The following KPNA1 variants were observed in gnomAD, a reference collection of about 807,000 sequenced individuals.
KPNA1 encodes karyopherin subunit alpha 1, also known as importin subunit alpha-5.
Under a neutral mutation model 70.5 loss-of-function variants are expected in KPNA1, and 10 were observed. That is an observed-to-expected ratio of 0.14 (90% CI 0.09 to 0.24). KPNA1 has a LOEUF of 0.24. KPNA1 is among the 10% of genes least tolerant of loss of function. KPNA1 has a pLI of 1.00. For missense variants in KPNA1, 397 were observed against 637.9 expected (o/e 0.62, Z 4.07); for synonymous variants, 192 against 221.9 (o/e 0.87, Z 1.20).
intron 13 of KPNA1, 103 bp from the exon 14 acceptor site, chr3:122,427,275 T>C: frequency 1.1e-6 from 1 of 875,060 alleles, no homozygotes. Flanking sequence ...ATATCTCTGT[T>C]CTTGATGTAA....
At chr3:122,465,891 C>G (rs1259531149) in intron 3 of KPNA1, among the ~76,000 whole-genome samples, 2 of 152,232 alleles carry the variant, frequency 1.3e-5, no homozygotes, top group Non-Finnish European at 2.9e-5. Flanking sequence ...TATAGTGGGC[C>G]AGTGTGCCCT....
intron 1 of KPNA1, among the ~76,000 whole-genome samples, chr3:122,504,806 G>A (rs2076871952): frequency 6.6e-6 from 1 of 152,186 alleles, no homozygotes; most frequent in African/African-American, 2.4e-5. Flanking sequence ...GAGAGAGAGA[G>A]AGAGATTTTT....
chr3:122,491,534 A>G (rs1359493422), intron 2 of KPNA1, among the ~76,000 whole-genome samples: 1 of 152,256 alleles, frequency 6.6e-6, no homozygotes, highest in Non-Finnish European at 1.5e-5. Flanking sequence ...ACTACTAGCC[A>G]AAAGAAGCAC....
At chr3:122,509,222 C>A (rs1443406886) in intron 1 of KPNA1, among the ~76,000 whole-genome samples, 4 of 144,022 alleles carry the variant, frequency 2.8e-5, no homozygotes, top group Admixed American at 2.1e-4. Flanking sequence ...CTCACTTGGG[C>A]AACTGAACAA....
chr3:122,456,176 A>G (rs1290952353), intron 5 of KPNA1, among the ~76,000 whole-genome samples: 1 of 152,220 alleles, frequency 6.6e-6, no homozygotes, highest in African/African-American at 2.4e-5. Context: ...TATACTAAAA[A>G]AGAAAAAACA....
At chr3:122,505,129 C>T (rs1179890841) in intron 1 of KPNA1, among the ~76,000 whole-genome samples, 3 of 151,892 alleles carry the variant, frequency 2.0e-5, no homozygotes, top group African/African-American at 7.3e-5. Flanking sequence ...CATGGTGAAA[C>T]CCCGCCTCTA....
At chr3:122,429,150 G>A (rs2075863463) in intron 12 of KPNA1, among the ~76,000 whole-genome samples, 1 of 152,078 alleles carries the variant, frequency 6.6e-6, no homozygotes, top group Non-Finnish European at 1.5e-5. Flanking sequence ...ACCTATTCAT[G>A]ATAAAAACTC....
chr3:122,460,743 A>G (rs2076315500), intron 5 of KPNA1: 3 of 882,516 alleles, frequency 3.4e-6, no homozygotes, highest in Non-Finnish European at 4.1e-6. Flanking sequence ...AAATTGACAC[A>G]GCAATAAGTA....
At chr3:122,459,473 C>T (rs1055400876) in intron 5 of KPNA1, 1 of 985,298 alleles carries the variant, frequency 1.0e-6, no homozygotes, top group African/African-American at 1.7e-5. Context: ...AAATGATAAA[C>T]TGCAGTAAGG....
chr3:122,443,430 C>A (rs2076092421), intron 9 of KPNA1, among the ~76,000 whole-genome samples: 1 of 152,220 alleles, frequency 6.6e-6, no homozygotes, highest in African/African-American at 2.4e-5. Context: ...ACGTCCCTGT[C>A]TGACAGCTCT....
chr3:122,435,424 T>C (rs990447737), intron 11 of KPNA1, among the ~76,000 whole-genome samples: 1 of 152,010 alleles, frequency 6.6e-6, no homozygotes, highest in Admixed American at 6.6e-5. Flanking sequence ...TAAAGAAAAA[T>C]GGGTATCCAA....
intron 10 of KPNA1, 32 bp from the exon 11 acceptor site, chr3:122,437,327 T>A (rs767090584): frequency 6.6e-7 from 1 of 1,520,328 alleles, no homozygotes; most frequent in Admixed American, 1.9e-5. Flanking sequence ...TTTTACTTAT[T>A]GTATTGTTCT....
intron 1 of KPNA1, among the ~76,000 whole-genome samples, chr3:122,499,947 T>C (rs1008505981): frequency 1.1e-4 from 17 of 152,318 alleles, no homozygotes; most frequent in African/African-American, 4.1e-4. Context: ...GGGCCTAGGC[T>C]GTTTCTTTGC....
intron 2 of KPNA1, among the ~76,000 whole-genome samples, chr3:122,495,984 A>G (rs2076756108): frequency 6.6e-6 from 1 of 152,230 alleles, no homozygotes. Context: ...ACTGTTGACA[A>G]TTACTGAATC....
At chr3:122,500,641 T>G (rs1001421117) in intron 1 of KPNA1, among the ~76,000 whole-genome samples, 1 of 151,784 alleles carries the variant, frequency 6.6e-6, no homozygotes, top group Non-Finnish European at 1.5e-5. Flanking sequence ...GGACTACAGG[T>G]GCATGCCCAG....
chr3:122,453,759 A>G (rs2076237457), intron 6 of KPNA1, 111 bp downstream of exon 6: 1 of 989,124 alleles, frequency 1.0e-6, no homozygotes, highest in Non-Finnish European at 1.4e-6. Context: ...CTGGTCTCGA[A>G]CTCCTCGTGA....
At chr3:122,478,245 A>G (rs1364123681) in intron 2 of KPNA1, among the ~76,000 whole-genome samples, 1 of 152,080 alleles carries the variant, frequency 6.6e-6, no homozygotes, top group Admixed American at 6.6e-5. Context: ...GGGCACACAC[A>G]GGCAAAAAAA....
intron 5 of KPNA1, among the ~76,000 whole-genome samples, chr3:122,458,485 A>C (rs1192935468): frequency 6.6e-6 from 1 of 152,246 alleles, no homozygotes; most frequent in African/African-American, 2.4e-5. Context: ...GAACATAAAA[A>C]GACCCTTCAA....
intron 2 of KPNA1, 77 bp downstream of exon 2, chr3:122,496,360 C>T: frequency 9.1e-7 from 1 of 1,103,832 alleles, no homozygotes. Context: ...CCCAACTTTG[C>T]TAAAATGAAG....
Sources: gnomAD v4.1 joint callset for allele counts (sites outside exome capture counted in the v4.1 genomes callset) on GRCh38, gnomAD v4.1.1 for gene constraint, MANE v1.5 for transcripts, NCBI Gene and HGNC (gene_info 2026-07-23, HGNC 2026-07-21) for gene names.